Variants in CFAP47 observed in about 807,000 individuals in gnomAD.
CFAP47 encodes the protein cilia and flagella associated protein 47.
In CFAP47, 29 loss-of-function variants were observed where a neutral mutation model predicts 148.1. The observed-to-expected ratio is 0.20, with a 90% CI of 0.15 to 0.27. The LOEUF is 0.27. CFAP47 is among the 10% of genes least tolerant of loss of function. The probability of loss-of-function intolerance (pLI) is 1.00; values close to 1 mark genes in which losing one functional copy is unlikely to be tolerated. For missense variants in CFAP47, 1,872 were observed against 1,697.5 expected (o/e 1.10, Z -1.81); for synonymous variants, 664 against 577.3 (o/e 1.15, Z -2.15).
intron 35 of CFAP47, 133 bp downstream of exon 35, chrX:36,138,597 A>C (rs1939087025): frequency 1.5e-6 from 1 of 687,770 alleles, no homozygotes; most frequent in African/African-American, 2.3e-5. Context: ...ACATTGCTAA[A>C]ATGTAGAAAT....
intron 26 of CFAP47, among the ~76,000 whole-genome samples, chrX:36,054,080 C>A (rs1017491259): frequency 8.9e-6 from 1 of 112,184 alleles, no homozygotes; most frequent in African/African-American, 3.2e-5. Context: ...CTCTTTATCT[C>A]CCTTACTGGT....
chrX:36,057,374 G>T (rs778915828), intron 26 of CFAP47, among the ~76,000 whole-genome samples: 2 of 111,664 alleles, frequency 1.8e-5, no homozygotes, highest in African/African-American at 6.5e-5. Context: ...TGGGAAAGAA[G>T]AAGTCATTTT....
chrX:36,273,948 T>C (rs895081782), intron 49 of CFAP47, among the ~76,000 whole-genome samples: 1 of 111,854 alleles, frequency 8.9e-6, no homozygotes, highest in Admixed American at 9.5e-5. Flanking sequence ...TCTGGGCAAA[T>C]TAATGGCATA....
chrX:36,254,259 G>GA (rs1365087572), intron 49 of CFAP47, among the ~76,000 whole-genome samples: 1 of 111,387 alleles, frequency 9.0e-6, no homozygotes, highest in Non-Finnish European at 1.9e-5. Flanking sequence ...TCCAGCAGGA[G>GA]AAATAACCTT....
At chrX:36,177,425 G>A (rs953275937) in intron 39 of CFAP47, among the ~76,000 whole-genome samples, 2 of 111,849 alleles carry the variant, frequency 1.8e-5, no homozygotes, top group Non-Finnish European at 3.8e-5. Flanking sequence ...ATAAATAAAT[G>A]TTGGAATATT....
intron 6 of CFAP47, 61 bp from the exon 7 acceptor site, chrX:35,953,531 T>C (rs1203693378): frequency 4.6e-6 from 4 of 876,830 alleles, no homozygotes; most frequent in Non-Finnish European, 6.3e-6. Context: ...TATTTCCTCT[T>C]ACAAGGTGAT....
At chrX:36,191,671 G>A (rs1939866720) in intron 42 of CFAP47, among the ~76,000 whole-genome samples, 1 of 111,113 alleles carries the variant, frequency 9.0e-6, no homozygotes, top group South Asian at 3.8e-4. Context: ...TAAACGGGCC[G>A]TAACTGCTTT....
chrX:36,040,147 A>G (rs1937385625), intron 25 of CFAP47, among the ~76,000 whole-genome samples: 1 of 111,991 alleles, frequency 8.9e-6, no homozygotes, highest in Non-Finnish European at 1.9e-5. Flanking sequence ...AAGAGATATA[A>G]CAGCATAACC....
At chrX:36,333,898 C>T (rs1229683382) in intron 57 of CFAP47, among the ~76,000 whole-genome samples, 2 of 111,615 alleles carry the variant, frequency 1.8e-5, no homozygotes, top group Admixed American at 1.9e-4. Flanking sequence ...ATAGTCTCAT[C>T]TTCCTTGCTT....
At chrX:35,999,746 C>A (rs888321401) in intron 19 of CFAP47, among the ~76,000 whole-genome samples, 2 of 111,479 alleles carry the variant, frequency 1.8e-5, no homozygotes, top group African/African-American at 6.5e-5. Context: ...AAGGGTGAAG[C>A]ATCAGGTGTT....
Position 36,385,044 on chromosome X carries a change from C to A in CFAP47, c.*38C>A. ...AAATATTTCTTGGTCTCAGGTAGAA[C>A]TTTGATGACTATTATTTCATCTTTT... On this transcript the variant is annotated 3_prime_UTR_variant, in exon 64 of 64. Coordinates refer to ENST00000378653, the MANE Select transcript of CFAP47 (RefSeq NM_001304548.2). The A allele has an allele frequency of 7.1e-6, 6 of 841,251 alleles. No individual in the cohort carries two copies. Among genetic ancestry groups the A allele is most frequent in the Non-Finnish European group, 1.0e-5 (6 of 580,735 alleles). The allele number at this position is 841,251 out of a possible 1,213,427, so 69.3% of individuals were successfully genotyped here.
intron 8 of CFAP47, among the ~76,000 whole-genome samples, chrX:35,957,938 C>T (rs756606231): frequency 3.7e-4 from 41 of 111,339 alleles, no homozygotes; most frequent in African/African-American, 1.3e-3. Flanking sequence ...GTATACAATT[C>T]AGTGATATTA....
At chrX:35,985,504 T>C (rs1333840826) in intron 15 of CFAP47, among the ~76,000 whole-genome samples, 1 of 108,900 alleles carries the variant, frequency 9.2e-6, no homozygotes, top group Non-Finnish European at 1.9e-5. Context: ...GGGGGGAGAG[T>C]GCAGGTGGGC....
chrX:36,130,750 A>G (rs1191788392), intron 33 of CFAP47, among the ~76,000 whole-genome samples: 1 of 111,403 alleles, frequency 9.0e-6, no homozygotes, highest in Non-Finnish European at 1.9e-5. Context: ...AGCCATAAAA[A>G]AGAACGATAT....
chrX:36,290,190 A>G (rs1036228062), intron 51 of CFAP47, among the ~76,000 whole-genome samples: 2 of 111,644 alleles, frequency 1.8e-5, no homozygotes, highest in African/African-American at 6.5e-5. Flanking sequence ...CAACTTTTCC[A>G]GTAATGACTC....
chrX:36,121,732 G>C (rs1938748117), intron 33 of CFAP47, among the ~76,000 whole-genome samples: 2 of 111,174 alleles, frequency 1.8e-5, no homozygotes, highest in Non-Finnish European at 3.8e-5. Flanking sequence ...GTATAGTACT[G>C]TCTATGTCTT....
Position 36,363,301 on chromosome X carries a change from C to T in CFAP47, c.9023+1800C>T, listed in dbSNP as rs1368440118. On this transcript the variant is annotated intron_variant, in intron 61 of 63. Coordinates refer to ENST00000378653, the MANE Select transcript of CFAP47 (RefSeq NM_001304548.2). Reference sequence around the variant, plus strand: ...TCATTGTAGAGTGCATTTACACAAACCTAGATGGTATAGCCTACTGCTCAC... The same window carrying T: ...TCATTGTAGAGTGCATTTACACAAATCTAGATGGTATAGCCTACTGCTCAC... Among the ~76,000 whole-genome samples, 3 of 111,148 alleles carry T rather than the reference C, an allele frequency of 2.7e-5. No individual in the cohort carries two copies. The East Asian group carries it at 8.5e-4, about 31-fold the overall frequency.
intron 62 of CFAP47, 58 bp from the exon 63 acceptor site, chrX:36,379,292 C>T: frequency 9.5e-7 from 1 of 1,051,915 alleles, no homozygotes; most frequent in Non-Finnish European, 1.3e-6. Flanking sequence ...CAAGTTCTCA[C>T]AAAGAGAATG....
At chrX:35,981,522 A>T (rs1936644428) in intron 15 of CFAP47, among the ~76,000 whole-genome samples, 1 of 110,145 alleles carries the variant, frequency 9.1e-6, no homozygotes, top group Non-Finnish European at 1.9e-5. Flanking sequence ...GACAAAATAT[A>T]CATTTTTAAA....
Sources: allele counts gnomAD v4.1 joint callset (sites outside exome capture counted in the v4.1 genomes callset), GRCh38; gene constraint gnomAD v4.1.1; transcripts MANE v1.5; gene names NCBI Gene and HGNC (gene_info 2026-07-23, HGNC 2026-07-21).